The following ABCA12 variants were observed in gnomAD, a reference collection of about 807,000 sequenced individuals.
ABCA12 encodes the protein glucosylceramide transporter ABCA12.
ABCA12 carries 156 observed loss-of-function variants against 293.5 expected under a neutral mutation model. The ratio of observed to expected loss-of-function variants is 0.53; its 90% CI spans 0.47 to 0.61. The LOEUF (loss-of-function observed/expected upper bound fraction) is 0.61, where lower values mean the gene tolerates loss of function less well. ABCA12 is among the 20% of genes least tolerant of loss of function. The probability of loss-of-function intolerance (pLI) is 0.00; values close to 1 mark genes in which losing one functional copy is unlikely to be tolerated. For missense variants in ABCA12, 2,797 were observed against 3,090.2 expected (o/e 0.91, Z 2.25); for synonymous variants, 1,063 against 1,108.0 (o/e 0.96, Z 0.81).
intron 44 of ABCA12, among the ~76,000 whole-genome samples, chr2:214,952,057 CAA>C (rs60347424): frequency 3.8e-5 from 5 of 132,760 alleles, no homozygotes; most frequent in African/African-American, 3.2e-5. Flanking sequence ...TAACAAATAC[CAA>C]AAAAAAAAAA....
chr2:215,025,279 T>C (rs968015937), intron 11 of ABCA12: 1 of 176,148 alleles, frequency 5.7e-6, no homozygotes, highest in Non-Finnish European at 1.2e-5. Flanking sequence ...AAAAATACCA[T>C]TATATAACAT....
intron 2 of ABCA12, among the ~76,000 whole-genome samples, chr2:215,108,841 G>A (rs370486365): frequency 6.6e-5 from 10 of 152,034 alleles, no homozygotes; most frequent in Non-Finnish European, 1.2e-4. Context: ...AGGCCGAGGC[G>A]GTGGATCACG....
At chr2:214,999,269 C>A (rs539130383) in intron 22 of ABCA12, among the ~76,000 whole-genome samples, 1 of 152,268 alleles carries the variant, frequency 6.6e-6, no homozygotes, top group South Asian at 2.1e-4. Context: ...AACAACAAAT[C>A]CCCTGTAATG....
At chr2:214,978,236 A>G in intron 33 of ABCA12, 80 bp downstream of exon 33, 1 of 1,546,510 alleles carries the variant, frequency 6.5e-7, no homozygotes, top group East Asian at 2.3e-5. Context: ...TTGAATTTTT[A>G]AAAATCAAAG....
chr2:215,039,391 C>T (rs916660138), intron 7 of ABCA12, among the ~76,000 whole-genome samples: 2 of 152,084 alleles, frequency 1.3e-5, no homozygotes, highest in African/African-American at 4.8e-5. Context: ...TCAGCTTTAT[C>T]ATAATAATAA....
intron 23 of ABCA12, among the ~76,000 whole-genome samples, chr2:214,993,831 G>A (rs1291316355): frequency 6.6e-6 from 1 of 152,092 alleles, no homozygotes; most frequent in Non-Finnish European, 1.5e-5. Flanking sequence ...CTTATATATT[G>A]AGAATGTTCT....
At chr2:214,953,599 CTATT>C (rs1698847817) in intron 44 of ABCA12, among the ~76,000 whole-genome samples, 1 of 152,204 alleles carries the variant, frequency 6.6e-6, no homozygotes, top group South Asian at 2.1e-4. Flanking sequence ...GTACCTTAAT[CTATT>C]TAAGGTTAAC....
intron 2 of ABCA12, among the ~76,000 whole-genome samples, chr2:215,087,096 C>T (rs1046830244): frequency 3.3e-5 from 5 of 152,094 alleles, no homozygotes; most frequent in African/African-American, 9.7e-5. Context: ...GCATGCACCA[C>T]CAAGGTCAGC....
chr2:214,990,947 C>T lies in ABCA12; in HGVS notation c.3379G>A (p.Val1127Met), dbSNP rs192850308. Residue 1127 changes from valine to methionine, a missense_variant, in exon 24 of 53, where the codon GTG becomes ATG. Coordinates refer to ENST00000272895, the MANE Select transcript of ABCA12 (RefSeq NM_173076.3). ...ESVGFLLVTIVILIIILKFGN... is the reference protein window; with the variant it reads ...ESVGFLLVTIMILIIILKFGN... ...AACTTGAGTATAATGATGAGGATCA[C>T]GATGGTAACCAGTAAAAATCCAACA... is the stretch of plus-strand genomic sequence containing the variant. 4.8e-5 allele frequency: 77 copies of T among 1,613,970 alleles called. No individual in the cohort carries two copies. Among genetic ancestry groups the T allele is most frequent in the South Asian group, 3.0e-4 (27 of 91,064 alleles).
At chr2:215,100,836 T>C (rs988230829) in intron 2 of ABCA12, among the ~76,000 whole-genome samples, 7 of 152,206 alleles carry the variant, frequency 4.6e-5, no homozygotes, top group African/African-American at 1.7e-4. Context: ...TTCTCATTCT[T>C]CTGATATTTA....
intron 32 of ABCA12, 82 bp downstream of exon 32, chr2:214,978,722 T>G (rs1699578944): frequency 1.4e-6 from 2 of 1,472,968 alleles, no homozygotes; most frequent in South Asian, 2.4e-5. Flanking sequence ...TAAAAATTTT[T>G]TTAGAAAAAT....
At chr2:214,997,367 ATTG>A (rs1432806342) in intron 23 of ABCA12, among the ~76,000 whole-genome samples, 1 of 152,094 alleles carries the variant, frequency 6.6e-6, no homozygotes, top group Non-Finnish European at 1.5e-5. Flanking sequence ...AACAGTTGTT[ATTG>A]TTGTTATTTA....
At chr2:215,137,226 A>C (rs1213788538) in intron 1 of ABCA12, among the ~76,000 whole-genome samples, 1 of 152,176 alleles carries the variant, frequency 6.6e-6, no homozygotes, top group Non-Finnish European at 1.5e-5. Flanking sequence ...AGTGTCAGGC[A>C]ATCCAAGCAA....
intron 1 of ABCA12, among the ~76,000 whole-genome samples, chr2:215,112,671 T>G (rs1702602391): frequency 6.6e-6 from 1 of 152,070 alleles, no homozygotes; most frequent in East Asian, 1.9e-4. Context: ...CTAATTTTTG[T>G]ATTTTTAGTA....
intron 28 of ABCA12, 120 bp downstream of exon 28, chr2:214,986,422 T>C: frequency 9.7e-7 from 1 of 1,029,430 alleles, no homozygotes; most frequent in Non-Finnish European, 1.5e-6. Flanking sequence ...TGAACCATCT[T>C]CCTCCATCTG....
At chr2:215,111,855 T>C (rs542345196) in intron 1 of ABCA12, among the ~76,000 whole-genome samples, 165 bp from the exon 2 acceptor site, 1 of 152,324 alleles carries the variant, frequency 6.6e-6, no homozygotes, top group African/African-American at 2.4e-5. Context: ...TTTTTTAATA[T>C]GTAAAAGACC....
chr2:215,073,840 T>A lies in ABCA12; in HGVS notation c.164-9621A>T, dbSNP rs1054666235. ...CCTGTTACTATGATCTCCAATGTGA[T>A]GTTGGGGTTTGGAGGAGTAGAGTGG... is the stretch of plus-strand genomic sequence containing the variant. On this transcript the variant is annotated intron_variant, in intron 2 of 52. Transcript: ENST00000272895. Among the ~76,000 whole-genome samples, 3 of 152,310 alleles carry A rather than the reference T, an allele frequency of 2.0e-5. No homozygotes were observed. The East Asian group carries it at 5.8e-4, about 29-fold the overall frequency.
At chr2:215,131,565 G>C (rs1703055674) in intron 1 of ABCA12, among the ~76,000 whole-genome samples, 1 of 151,570 alleles carries the variant, frequency 6.6e-6, no homozygotes, top group Admixed American at 6.6e-5. Flanking sequence ...CTGTTTCTCT[G>C]GTAACAGTTG....
intron 26 of ABCA12, among the ~76,000 whole-genome samples, chr2:214,988,529 C>CA (rs1303288009): frequency 2.0e-5 from 3 of 152,072 alleles, no homozygotes; most frequent in African/African-American, 7.2e-5. Flanking sequence ...TGTATAACAC[C>CA]AAAAAATGCA....
Sources: allele counts gnomAD v4.1 joint callset (sites outside exome capture counted in the v4.1 genomes callset), GRCh38; gene constraint gnomAD v4.1.1; transcripts MANE v1.5; gene names NCBI Gene and HGNC (gene_info 2026-07-23, HGNC 2026-07-21).